Variants in UNC79 observed in about 807,000 individuals in gnomAD.
UNC79 encodes the protein protein unc-79 homolog.
In UNC79, 37 loss-of-function variants were observed where a neutral mutation model predicts 283.1. The observed-to-expected ratio is 0.13, with a 90% CI of 0.10 to 0.17. The LOEUF (loss-of-function observed/expected upper bound fraction) is 0.17, where lower values mean the gene tolerates loss of function less well. Among genes scored for constraint, UNC79 ranks in the 10% least tolerant of loss-of-function variants. UNC79 has a pLI of 1.00. For synonymous variants in UNC79, 1,107 were observed against 1,200.2 expected, an observed-to-expected ratio of 0.92 and a Z score of 1.61; for missense variants, 2,272 against 3,211.1, an observed-to-expected ratio of 0.71 and a Z score of 7.07.
chr14:93,511,250 A>G (rs1369525432), intron 7 of UNC79, among the ~76,000 whole-genome samples: 1 of 152,120 alleles, frequency 6.6e-6, no homozygotes, highest in African/African-American at 2.4e-5. Flanking sequence ...ACAATTTGAC[A>G]TGAGATTTGA....
rs1281926419 is a variant in UNC79, at chr14:93,621,867, C to G, written c.4634C>G (p.Pro1545Arg). The change falls in exon 30 of 49, where the codon CCT (proline) becomes CGT (arginine). Residue 1545 changes from proline (P) to arginine (R), a missense_variant. This residue lies in a region of UNC79 where 580 missense variants were observed against 632.2 expected (regional missense o/e 0.92). Coordinates refer to ENST00000555664, the Ensembl canonical transcript of UNC79. This position sits in a 1 kb window ranked among gnomAD's most constrained non-coding sequence, Gnocchi z 4.8. The stretch of plus-strand genomic sequence containing the variant: ...TATATCGCACAAAGACCAAACGACC[C>G]TGGACGTTCTAGACAGAACTCTGCT... 1 of 1,614,070 alleles carries G rather than the reference C, an allele frequency of 6.2e-7. No homozygotes were observed. The highest frequency in any genetic ancestry group is 1.1e-5 in the South Asian group (1 of 91,060).
intron 39 of UNC79, among the ~76,000 whole-genome samples, chr14:93,660,569 G>T (rs867118392): frequency 9.3e-6 from 1 of 107,058 alleles, no homozygotes; most frequent in African/African-American, 4.6e-5. Flanking sequence ...ATATATGTGT[G>T]TGTGTGTGTG....
chr14:93,594,884 A>G (rs2141967001), intron 23 of UNC79, among the ~76,000 whole-genome samples: 1 of 152,262 alleles, frequency 6.6e-6, no homozygotes, highest in South Asian at 2.1e-4. Context: ...TGGAAGTTTC[A>G]TCAGTGAGGT....
chr14:93,614,656 C>T (rs906195298), intron 27 of UNC79, among the ~76,000 whole-genome samples: 3 of 150,714 alleles, frequency 2.0e-5, no homozygotes, highest in African/African-American at 7.4e-5. Flanking sequence ...AAAAAAAATC[C>T]TCTTCCTTTT....
chr14:93,374,278 C>T (rs1297586774), intron 1 of UNC79, among the ~76,000 whole-genome samples: 1 of 152,182 alleles, frequency 6.6e-6, no homozygotes, highest in East Asian at 1.9e-4. Context: ...TCCATACAAG[C>T]AGCTATGTGG....
chr14:93,346,169 C>G (rs1326224453), intron 1 of UNC79, among the ~76,000 whole-genome samples: 2 of 151,908 alleles, frequency 1.3e-5, no homozygotes, highest in Admixed American at 6.6e-5. Context: ...TGTACTACAG[C>G]AAAACGAAAA....
At chr14:93,357,947 A>G (rs1316902509) in intron 1 of UNC79, among the ~76,000 whole-genome samples, 1 of 121,498 alleles carries the variant, frequency 8.2e-6, no homozygotes, top group East Asian at 2.1e-4. Flanking sequence ...ATATATGGAG[A>G]TATATATCTA....
At chr14:93,698,952 A>T (rs1323526152) in intron 47 of UNC79, among the ~76,000 whole-genome samples, 4 of 152,238 alleles carry the variant, frequency 2.6e-5, no homozygotes, top group Admixed American at 1.3e-4. Flanking sequence ...ATATCAAATT[A>T]CTAAATGTTA....
intron 34 of UNC79, among the ~76,000 whole-genome samples, 196 bp downstream of exon 37, chr14:93,643,893 A>G (rs2069312918): frequency 3.9e-5 from 6 of 152,190 alleles, no homozygotes; most frequent in Admixed American, 3.9e-4. Context: ...TAGGGTCATG[A>G]GTCACAATGT....
chr14:93,565,923 G>T (rs987515660), intron 14 of UNC79, among the ~76,000 whole-genome samples: 1 of 152,160 alleles, frequency 6.6e-6, no homozygotes, highest in African/African-American at 2.4e-5. Context: ...GTATCTATTC[G>T]GTTGGAGCTG....
chr14:93,630,665 G>A (rs1378227204), intron 30 of UNC79, 136 bp from the exon 33 acceptor site: 1 of 653,542 alleles, frequency 1.5e-6, no homozygotes, highest in Non-Finnish European at 2.6e-6. Flanking sequence ...GTAATTCCAT[G>A]AAAGTAATTA....
At position 93,413,897 on chromosome 14, in the gene UNC79, G is replaced by A. The variant is rs1295181566; in HGVS notation, c.-350-53774G>A. 7.7e-5 allele frequency among the ~76,000 whole-genome samples: 8 copies of A among 103,898 alleles called. No individual in the cohort carries two copies. In the East Asian group the frequency reaches 1.8e-3, roughly 23 times the overall value. 68.2% of individuals were successfully genotyped at this position (103,898 alleles called of 152,430 possible). On this transcript the variant is annotated intron_variant, in intron 1 of 49. Coordinates refer to the UNC79 transcript ENST00000256339. ...TTGTTTGTTTTTTTCTTGTAAATTT[G>A]TTTGAATTCATTGTAGATTCTGGAT...
At chr14:93,377,134 T>C (rs1014798646) in intron 1 of UNC79, among the ~76,000 whole-genome samples, 1 of 148,936 alleles carries the variant, frequency 6.7e-6, no homozygotes, top group Non-Finnish European at 1.5e-5. Flanking sequence ...AGTCTCGCTC[T>C]GTCACCCAGG....
chr14:93,362,843 A>G (rs6575325), intron 1 of UNC79, among the ~76,000 whole-genome samples: 112,548 of 151,792 alleles, frequency 0.74, 42,622 homozygotes, highest in African/African-American at 0.87. Flanking sequence ...CCCTTTTGTT[A>G]TTTCTGCTTG....
chr14:93,663,749 A>T (rs1439905395), intron 40 of UNC79, among the ~76,000 whole-genome samples: 1 of 151,702 alleles, frequency 6.6e-6, no homozygotes, highest in South Asian at 2.1e-4. Flanking sequence ...ACTTCTTGAA[A>T]GATAACTTCT....
intron 1 of UNC79, among the ~76,000 whole-genome samples, chr14:93,382,632 A>G (rs2054687366): frequency 6.6e-6 from 1 of 152,176 alleles, no homozygotes; most frequent in African/African-American, 2.4e-5. Flanking sequence ...GCACCTGAAG[A>G]TATAAAAATG....
chr14:93,537,708 T>TC (rs2061159569), intron 11 of UNC79, among the ~76,000 whole-genome samples: 1 of 152,064 alleles, frequency 6.6e-6, no homozygotes, highest in Non-Finnish European at 1.5e-5. Flanking sequence ...TCCTCCTCGC[T>TC]CCCCCCATGG....
chr14:93,580,343 G>A, exon 19 of UNC79: 1 of 1,614,166 alleles, frequency 6.2e-7, no homozygotes, highest in Non-Finnish European at 8.5e-7. Context: ...AACTCCTGGA[G>A]AGACTAGCTC....
Position 93,540,694 on chromosome 14 carries a change from C to T in UNC79, c.1387C>T (p.Arg463Ter). ...AGAAGCCGAGTTCCATGCTGAGCAG[C>T]GAGAACATGAGCTGAACCGGCGGCG... Residue 463 changes from arginine (R) to a stop codon, truncating the protein, a stop_gained, in exon 13 of 49, where the codon CGA (arginine) becomes TGA (stop). Transcript: ENST00000555664. LOFTEE classifies it high-confidence loss of function. 1.2e-6 allele frequency: 2 copies of T among 1,613,606 alleles called. No homozygotes were observed. The highest frequency in any genetic ancestry group is 8.5e-7 in the Non-Finnish European group (1 of 1,179,998).
Sources: allele counts gnomAD v4.1 joint callset (sites outside exome capture counted in the v4.1 genomes callset), GRCh38; gene constraint gnomAD v4.1.1; regional missense constraint gnomAD v4.1.1; non-coding constraint Gnocchi (gnomAD v3.1); transcripts MANE v1.5; gene names NCBI Gene and HGNC (gene_info 2026-07-23, HGNC 2026-07-21).